The following WDFY3 variants were observed in gnomAD, a reference collection of about 807,000 sequenced individuals.
The protein encoded by WDFY3 is WD repeat and FYVE domain containing 3, also known as WD repeat and FYVE domain-containing protein 3.
A neutral mutation model predicts 409.6 loss-of-function variants in WDFY3; 66 were observed. That is an observed-to-expected ratio of 0.16 (90% confidence interval 0.13 to 0.20). The LOEUF is 0.20. WDFY3 is among the 10% of genes least tolerant of loss of function. WDFY3 has a pLI of 1.00. For synonymous variants in WDFY3, 1,521 were observed against 1,537.1 expected (o/e 0.99, Z 0.25); for missense variants, 3,031 against 4,298.1 (o/e 0.71, Z 8.24).
At chr4:84,923,890 T>A (rs1302882130) in intron 2 of WDFY3, among the ~76,000 whole-genome samples, 1 of 152,120 alleles carries the variant, frequency 6.6e-6, no homozygotes, top group Admixed American at 6.6e-5. Context: ...TACCAGCTAT[T>A]CGGGGAGGCT....
intron 15 of WDFY3, 146 bp from the exon 16 acceptor site, chr4:84,803,613 C>T (rs1215505531): frequency 5.8e-6 from 5 of 866,064 alleles, no homozygotes; most frequent in Admixed American, 3.0e-5. Context: ...ATTATCAACT[C>T]GAGTTGATAT....
intron 3 of WDFY3, among the ~76,000 whole-genome samples, chr4:84,861,203 T>C (rs1038173926): frequency 7.9e-5 from 12 of 152,064 alleles, no homozygotes; most frequent in African/African-American, 2.9e-4. Context: ...AGAGACTCTG[T>C]CTTTAAATAA....
At chr4:84,735,285 G>T (rs1737246795) in intron 42 of WDFY3, among the ~76,000 whole-genome samples, 165 bp from the exon 43 acceptor site, 1 of 152,136 alleles carries the variant, frequency 6.6e-6, no homozygotes, top group African/African-American at 2.4e-5. Context: ...CTTGTGTGAT[G>T]GACACAGATC....
chr4:84,781,396 T>A (rs1164483283), intron 25 of WDFY3, among the ~76,000 whole-genome samples: 3 of 148,900 alleles, frequency 2.0e-5, no homozygotes, highest in African/African-American at 5.0e-5. Flanking sequence ...CCTTTTGTTT[T>A]TTTTTTTTTT....
Position 84,716,730 on chromosome 4 carries a change from C to T in WDFY3, c.7875+166G>A, listed in dbSNP as rs1006945686. ...AGGAGAATGGTGTGAACCCGGGAGG[C>T]GGAGGTTGCAGTGAGCTGAGATCAT... On this transcript the variant is annotated intron_variant, in intron 49 of 67. Transcript: ENST00000295888. Among the ~76,000 whole-genome samples, 8 of 149,844 alleles carry T rather than the reference C, an allele frequency of 5.3e-5. No homozygotes were observed. The East Asian group carries it at 1.6e-3, about 30-fold the overall frequency.
chr4:84,815,574 C>A (rs2149781344), intron 13 of WDFY3, among the ~76,000 whole-genome samples: 1 of 152,254 alleles, frequency 6.6e-6, no homozygotes, highest in South Asian at 2.1e-4. Flanking sequence ...TTTTTAATTT[C>A]ATTTCATCTC....
chr4:84,877,998 G>A (rs1237198491), intron 3 of WDFY3, among the ~76,000 whole-genome samples: 5 of 152,006 alleles, frequency 3.3e-5, no homozygotes, highest in Non-Finnish European at 7.4e-5. Context: ...AGACAACTTT[G>A]TTTTTTATGG....
At chr4:84,798,216 T>A in intron 17 of WDFY3, 108 bp from the exon 18 acceptor site, 3 of 926,928 alleles carry the variant, frequency 3.2e-6, no homozygotes, top group East Asian at 2.7e-5. Context: ...CTAATTACAA[T>A]AAAAAAATGC....
intron 2 of WDFY3, among the ~76,000 whole-genome samples, chr4:84,911,528 C>G (rs935820556): frequency 2.6e-5 from 4 of 152,058 alleles, no homozygotes; most frequent in African/African-American, 9.7e-5. Context: ...TACATGAACA[C>G]ACATTTCACT....
chr4:84,849,809 C>T, intron 5 of WDFY3, 93 bp downstream of exon 5: 3 of 1,528,470 alleles, frequency 2.0e-6, no homozygotes, highest in Non-Finnish European at 2.7e-6. Context: ...GTGCTGAGAA[C>T]AAGGTCTGTT....
In WDFY3 at chr4:84,704,423, T is replaced by C. The variant is rs757508974; in HGVS notation, c.8357A>G (p.Tyr2786Cys). The C allele has an allele frequency of 1.2e-6, 2 of 1,611,962 alleles. No homozygotes were observed. Among genetic ancestry groups the C allele is most frequent in the Non-Finnish European group, 8.5e-7 (1 of 1,179,062 alleles). The change falls in exon 55 of 68, where the codon TAT becomes TGT. Residue 2786 changes from tyrosine (Y) to cysteine (C), a missense_variant. Physicochemically the swap from Tyr to Cys is radical, Grantham distance 194. Transcript: ENST00000295888. Reference sequence around the variant, plus strand: ...CATTGCAGATGAATAGTGGGTCCCATAGTGGTATGCAGGAGTTTCTCCTGT... The same window carrying C: ...CATTGCAGATGAATAGTGGGTCCCACAGTGGTATGCAGGAGTTTCTCCTGT... ...DPNGETPAYH[Y>C]GTHYSSAMIV...
Position 84,923,201 on chromosome 4 carries a change from T to G in WDFY3, c.-132+9069A>C, listed in dbSNP as rs550024989. On this transcript the variant is annotated intron_variant, in intron 2 of 67. Coordinates refer to ENST00000295888, the MANE Select transcript of WDFY3 (RefSeq NM_014991.6). Reference sequence around the variant, plus strand: ...CAAGAAGATCATTCTGACCATGCTGTTTCTTAAAAGTAGGAGATGAAATTC... The same window carrying G: ...CAAGAAGATCATTCTGACCATGCTGGTTCTTAAAAGTAGGAGATGAAATTC... Among the ~76,000 whole-genome samples the G allele has an allele frequency of 2.6e-5, 4 of 152,294 alleles. No homozygotes were observed. In the South Asian group the frequency reaches 8.3e-4, roughly 32 times the overall value.
chr4:84,756,586 CAAATA>C (rs143555953), intron 33 of WDFY3, among the ~76,000 whole-genome samples: 8,608 of 128,874 alleles, frequency 0.067, 405 homozygotes, highest in African/African-American at 0.13. Flanking sequence ...CTCTGTCTCA[CAAATA>C]AAATAAAATA....
rs972550511 is a variant in WDFY3, at chr4:84,868,524, T to A, written c.-31-7902A>T. Among the ~76,000 whole-genome samples, 60 of 152,166 alleles carry A rather than the reference T, an allele frequency of 3.9e-4. 1 individual carries two copies. The highest frequency in any genetic ancestry group is 1.4e-3 in the African/African-American group (57 of 41,446). On this transcript the variant is annotated intron_variant, in intron 3 of 67. Coordinates refer to ENST00000295888, the MANE Select transcript of WDFY3 (RefSeq NM_014991.6). The stretch of plus-strand genomic sequence containing the variant: ...CCCAGACTATGAGATACTACAAGAT[T>A]AGCCCAGTCTATGGACCCATCATAC...
chr4:84,933,193 T>C (rs1770986773), intron 1 of WDFY3, among the ~76,000 whole-genome samples: 1 of 152,182 alleles, frequency 6.6e-6, no homozygotes, highest in African/African-American at 2.4e-5. Context: ...GTAACTTTAT[T>C]TGTTAAACTC....
At chr4:84,845,322 A>G (rs979317556) in intron 5 of WDFY3, among the ~76,000 whole-genome samples, 1 of 152,242 alleles carries the variant, frequency 6.6e-6, no homozygotes, top group African/African-American at 2.4e-5. Flanking sequence ...ATTCTTTTCA[A>G]TGATAACCTC....
At chr4:84,832,146 C>T (rs1055065132) in intron 7 of WDFY3, among the ~76,000 whole-genome samples, 3 of 152,030 alleles carry the variant, frequency 2.0e-5, no homozygotes, top group East Asian at 1.9e-4. Flanking sequence ...CAATCTAATA[C>T]TATTCAGCCA....
At chr4:84,863,854 T>C (rs1320067793) in intron 3 of WDFY3, among the ~76,000 whole-genome samples, 2 of 152,210 alleles carry the variant, frequency 1.3e-5, no homozygotes, top group East Asian at 1.9e-4. Context: ...TGACTGTAAA[T>C]GCATGGATTT....
At chr4:84,783,408 G>A (rs1356446554) in intron 24 of WDFY3, among the ~76,000 whole-genome samples, 1 of 152,140 alleles carries the variant, frequency 6.6e-6, no homozygotes, top group East Asian at 1.9e-4. Context: ...GAGCCTAGGA[G>A]GTCGAGAATG....
Sources: allele counts gnomAD v4.1 joint callset (sites outside exome capture counted in the v4.1 genomes callset), GRCh38; gene constraint gnomAD v4.1.1; transcripts MANE v1.5; gene names NCBI Gene and HGNC (gene_info 2026-07-23, HGNC 2026-07-21).